GRID1: variants seen among roughly 807,000 people sequenced by gnomAD.
The protein encoded by GRID1 is glutamate receptor ionotropic, delta-1.
GRID1 carries 28 observed loss-of-function variants against 98.0 expected under a neutral mutation model. The observed-to-expected ratio is 0.29, with a 90% CI of 0.21 to 0.39. GRID1 has a LOEUF of 0.39. GRID1 is among the 10% of genes least tolerant of loss of function. The pLI, the probability that GRID1 is intolerant of heterozygous loss-of-function variation, is 1.00. For missense variants in GRID1, 1,111 were observed against 1,340.5 expected, an observed-to-expected ratio of 0.83 and a Z score of 2.67; for synonymous variants, 553 against 538.5, an observed-to-expected ratio of 1.03 and a Z score of -0.37.
chr10:85,933,161 C>A (rs1589303626), intron 4 of GRID1, among the ~76,000 whole-genome samples: 2 of 152,030 alleles, frequency 1.3e-5, no homozygotes, highest in African/African-American at 4.8e-5. Flanking sequence ...TCTCTCTTAC[C>A]CTCTCTTGCC....
At chr10:85,835,551 G>C (rs1455539609) in intron 8 of GRID1, among the ~76,000 whole-genome samples, 1 of 152,160 alleles carries the variant, frequency 6.6e-6, no homozygotes, top group South Asian at 2.1e-4. Flanking sequence ...CTTCCATCAT[G>C]ATTGTGAGGC....
intron 4 of GRID1, among the ~76,000 whole-genome samples, chr10:86,081,907 CT>C (rs538999007): frequency 1.8e-3 from 277 of 152,314 alleles, no homozygotes; most frequent in Middle Eastern, 0.014. Context: ...CTGCATACTA[CT>C]AATAATGGTG....
intron 8 of GRID1, among the ~76,000 whole-genome samples, chr10:85,839,566 T>C (rs912228114): frequency 6.6e-6 from 1 of 152,158 alleles, no homozygotes; most frequent in Admixed American, 6.5e-5. Flanking sequence ...AGAAGTTATT[T>C]GAAGCTAATA....
chr10:85,668,471 C>T (rs906583878), intron 12 of GRID1, among the ~76,000 whole-genome samples: 2 of 152,046 alleles, frequency 1.3e-5, no homozygotes, highest in African/African-American at 4.8e-5. Flanking sequence ...TGTGTGGAGC[C>T]AAGAGAAGCC....
At chr10:86,104,365 C>T (rs1014658692) in intron 4 of GRID1, among the ~76,000 whole-genome samples, 2 of 152,190 alleles carry the variant, frequency 1.3e-5, no homozygotes, top group African/African-American at 4.8e-5. Flanking sequence ...CGAGAAGGCC[C>T]GGCACAGGCA....
chr10:85,824,870 G>A lies in GRID1; in HGVS notation c.1233+29626C>T, dbSNP rs553631007. On this transcript the variant is annotated intron_variant, in intron 8 of 15. Transcript: ENST00000327946. ...CAGATCCATTGAAGTTGCTGCAAAA[G>A]ACATTATTTTATTCTCTTTTATGGC... Among the ~76,000 whole-genome samples the A allele has an allele frequency of 9.2e-5, 14 of 152,298 alleles. 1 individual carries two copies. The East Asian group carries it at 2.7e-3, about 29-fold the overall frequency.
At chr10:86,314,964 G>T (rs1241406355) in intron 2 of GRID1, among the ~76,000 whole-genome samples, 3 of 151,602 alleles carry the variant, frequency 2.0e-5, no homozygotes, top group African/African-American at 7.3e-5. Flanking sequence ...TGGGCCTGCA[G>T]TCAGGACCTC....
At chr10:86,160,360 C>T (rs1845303856) in intron 3 of GRID1, among the ~76,000 whole-genome samples, 1 of 152,230 alleles carries the variant, frequency 6.6e-6, no homozygotes, top group African/African-American at 2.4e-5. Flanking sequence ...CCTCCCCTCC[C>T]AGCTGCCATG....
chr10:85,813,039 C>G (rs1295339989), intron 8 of GRID1, among the ~76,000 whole-genome samples: 1 of 151,546 alleles, frequency 6.6e-6, no homozygotes, highest in Non-Finnish European at 1.5e-5. Context: ...ACAATTCAAT[C>G]TGAAGAGAAA....
chr10:86,264,801 G>A (rs749818726), intron 2 of GRID1: 9 of 478,188 alleles, frequency 1.9e-5, no homozygotes, highest in South Asian at 6.2e-5. Flanking sequence ...CCACACGCTC[G>A]TCTGTGTCAC....
chr10:86,243,425 C>T (rs1335025195), intron 2 of GRID1, among the ~76,000 whole-genome samples: 2 of 152,156 alleles, frequency 1.3e-5, no homozygotes, highest in African/African-American at 4.8e-5. Flanking sequence ...TTGACATGGC[C>T]CAAAGCCACT....
At chr10:86,298,543 G>C (rs922846609) in intron 2 of GRID1, among the ~76,000 whole-genome samples, 4 of 152,182 alleles carry the variant, frequency 2.6e-5, no homozygotes, top group Admixed American at 6.5e-5. Flanking sequence ...GTTCTTGTGA[G>C]GACTCACCCA....
intron 12 of GRID1, among the ~76,000 whole-genome samples, chr10:85,676,516 T>C (rs751875301): frequency 6.6e-6 from 1 of 152,162 alleles, no homozygotes; most frequent in Non-Finnish European, 1.5e-5. Flanking sequence ...AAGAAACCAT[T>C]TGTGCTAGAG....
intron 5 of GRID1, among the ~76,000 whole-genome samples, chr10:85,888,173 G>T (rs79210395): frequency 1.3e-5 from 2 of 152,154 alleles, no homozygotes; most frequent in African/African-American, 4.8e-5. Context: ...TATAAATGAC[G>T]CAATAGCTTC....
At chr10:85,826,567 G>T (rs574034082) in intron 8 of GRID1, among the ~76,000 whole-genome samples, 3 of 151,878 alleles carry the variant, frequency 2.0e-5, no homozygotes, top group African/African-American at 4.8e-5. Flanking sequence ...CTCCATTTGT[G>T]CCAGTGCCCC....
intron 2 of GRID1, among the ~76,000 whole-genome samples, chr10:86,316,612 G>A (rs1208466037): frequency 6.6e-6 from 1 of 152,252 alleles, no homozygotes; most frequent in East Asian, 1.9e-4. Context: ...GGGACACAGG[G>A]TGGAGATGGA....
chr10:85,766,098 A>C (rs959056882), intron 8 of GRID1, among the ~76,000 whole-genome samples: 5 of 152,238 alleles, frequency 3.3e-5, no homozygotes, highest in Admixed American at 2.0e-4. Context: ...TAGAGGAGAA[A>C]CAAGGTTTGA....
At chr10:86,329,489 G>A (rs1848106447) in intron 2 of GRID1, among the ~76,000 whole-genome samples, 1 of 152,210 alleles carries the variant, frequency 6.6e-6, no homozygotes, top group Admixed American at 6.5e-5. Flanking sequence ...GAAGGGCTTT[G>A]GCAAGGAGCC....
In GRID1 at chr10:85,820,027, A is replaced by AAGGCAGGC. The variant is rs1156384223; in HGVS notation, c.1233+34461_1233+34468dup. ...GAAGGAAGGAAGGAAGGAAGGAAGG[A>AAGGCAGGC]AGGCAGGCAGGCAGGCAGGCAGGCA... On this transcript the variant is annotated intron_variant, in intron 8 of 15. Transcript: ENST00000327946. 4.3e-3 allele frequency among the ~76,000 whole-genome samples: 285 copies of AAGGCAGGC among 66,466 alleles called. 10 individuals are homozygous for AAGGCAGGC. The highest frequency in any genetic ancestry group is 0.014 in the African/African-American group (188 of 13,144). The allele number at this position is 66,466 out of a possible 152,430, so 43.6% of individuals were successfully genotyped here.
Sources: gnomAD v4.1 joint callset for allele counts (sites outside exome capture counted in the v4.1 genomes callset) on GRCh38, gnomAD v4.1.1 for gene constraint, MANE v1.5 for transcripts, NCBI Gene and HGNC (gene_info 2026-07-23, HGNC 2026-07-21) for gene names.